The following TGFBR3 variants were observed in gnomAD, a reference collection of about 807,000 sequenced individuals.
The protein encoded by TGFBR3 is transforming growth factor beta receptor 3, also known as transforming growth factor beta receptor type 3.
TGFBR3 carries 46 observed loss-of-function variants against 87.9 expected under a neutral mutation model. That is an observed-to-expected ratio of 0.52 (90% CI 0.41 to 0.67). The LOEUF is 0.67. TGFBR3 is among the 30% of genes least tolerant of loss of function. The probability of loss-of-function intolerance (pLI) is 0.00; values close to 1 mark genes in which losing one functional copy is unlikely to be tolerated. For synonymous variants in TGFBR3, 381 were observed against 391.6 expected (o/e 0.97, Z 0.32); for missense variants, 866 against 1,041.9 (o/e 0.83, Z 2.32).
intron 2 of TGFBR3, among the ~76,000 whole-genome samples, chr1:91,895,204 C>T (rs147784845): frequency 1.3e-4 from 20 of 152,114 alleles, no homozygotes; most frequent in Non-Finnish European, 1.9e-4. Flanking sequence ...ATCATGAAGG[C>T]GAATTTCTCA....
chr1:91,713,926 G>A (rs1672075881), intron 12 of TGFBR3, among the ~76,000 whole-genome samples: 1 of 151,972 alleles, frequency 6.6e-6, no homozygotes, highest in Non-Finnish European at 1.5e-5. Flanking sequence ...TCAAAAGAAA[G>A]TATGTAGCGG....
chr1:91,894,202 C>T (rs996753982), intron 2 of TGFBR3, among the ~76,000 whole-genome samples: 2 of 152,160 alleles, frequency 1.3e-5, no homozygotes, highest in African/African-American at 2.4e-5. Context: ...TCTCGTTACC[C>T]TGGATGAACT....
At chr1:91,838,726 C>A (rs1677159868) in intron 2 of TGFBR3, among the ~76,000 whole-genome samples, 1 of 151,956 alleles carries the variant, frequency 6.6e-6, no homozygotes, top group Admixed American at 6.6e-5. Flanking sequence ...GCCTCTGCCT[C>A]CCAAAGTGCT....
In TGFBR3 at chr1:91,719,565, T is replaced by C. The variant is rs1206932299; in HGVS notation, c.1414-101A>G. 3.5e-6 allele frequency: 5 copies of C among 1,446,568 alleles called. No individual in the cohort carries two copies. In the East Asian group the frequency reaches 1.1e-4, roughly 33 times the overall value. The allele number at this position is 1,446,568 out of a possible 1,614,324, so 89.6% of individuals were successfully genotyped here. ...TGCCTGGTCTTCCAAGGACAGGCGATGAGAGGCCTGCATCGTGCCCCTTCC... is the reference window on the plus strand; with the variant it reads ...TGCCTGGTCTTCCAAGGACAGGCGACGAGAGGCCTGCATCGTGCCCCTTCC... On this transcript the variant is annotated intron_variant, in intron 9 of 16. Transcript: ENST00000212355.
intron 2 of TGFBR3, among the ~76,000 whole-genome samples, chr1:91,819,369 G>GA (rs34256694): frequency 0.28 from 40,490 of 146,674 alleles, 5,985 homozygotes; most frequent in Middle Eastern, 0.37. Flanking sequence ...CTCCGTCTGG[G>GA]AAAAAAAAAA....
intron 3 of TGFBR3, among the ~76,000 whole-genome samples, chr1:91,781,042 GC>G (rs1674751155): frequency 6.6e-6 from 1 of 152,122 alleles, no homozygotes; most frequent in African/African-American, 2.4e-5. Context: ...AAGGAGGAAT[GC>G]CTTGCTGCCA....
intron 2 of TGFBR3, among the ~76,000 whole-genome samples, chr1:91,836,434 GT>G (rs11301510): frequency 0.74 from 112,193 of 151,510 alleles, 42,341 homozygotes; most frequent in East Asian, 0.96. Context: ...GGAGTACACT[GT>G]AAAATGTAGC....
At chr1:91,751,647 T>C (rs561497335) in intron 4 of TGFBR3, among the ~76,000 whole-genome samples, 1 of 152,186 alleles carries the variant, frequency 6.6e-6, no homozygotes, top group East Asian at 1.9e-4. Flanking sequence ...GCCTCTAGTT[T>C]AAGTAAAAGG....
At chr1:91,718,155 C>A (rs1004136062) in intron 10 of TGFBR3, among the ~76,000 whole-genome samples, 1 of 152,132 alleles carries the variant, frequency 6.6e-6, no homozygotes, top group African/African-American at 2.4e-5. Flanking sequence ...TGGATTCAGT[C>A]GTCCTGGCTC....
At chr1:91,845,465 T>C (rs1677434690) in intron 2 of TGFBR3, among the ~76,000 whole-genome samples, 1 of 152,206 alleles carries the variant, frequency 6.6e-6, no homozygotes, top group Admixed American at 6.5e-5. Flanking sequence ...TACTTTGATC[T>C]TCAGCTGTCT....
chr1:91,851,215 C>T (rs1271110157), intron 2 of TGFBR3, among the ~76,000 whole-genome samples: 1 of 152,106 alleles, frequency 6.6e-6, no homozygotes, highest in Non-Finnish European at 1.5e-5. Flanking sequence ...GCACCTGCTG[C>T]CTACTCCTTG....
intron 12 of TGFBR3, 70 bp from the exon 13 acceptor site, chr1:91,712,612 A>G: frequency 6.8e-7 from 1 of 1,461,650 alleles, no homozygotes; most frequent in Middle Eastern, 2.2e-4. Flanking sequence ...CACAAGGACC[A>G]TATGCCAAGA....
intron 4 of TGFBR3, among the ~76,000 whole-genome samples, chr1:91,754,124 A>G (rs1571475485): frequency 1.3e-5 from 2 of 152,022 alleles, no homozygotes; most frequent in East Asian, 3.9e-4. Context: ...GCATCTTTTC[A>G]TGTGTTTTTT....
intron 3 of TGFBR3, among the ~76,000 whole-genome samples, chr1:91,776,447 G>T (rs765907284): frequency 1.1e-4 from 17 of 152,348 alleles, no homozygotes; most frequent in South Asian, 2.1e-4. Flanking sequence ...AGTGTGTTGT[G>T]AATTCAAGGT....
intron 3 of TGFBR3, chr1:91,770,757 T>C (rs1431752591): frequency 2.6e-5 from 4 of 152,198 alleles, no homozygotes; most frequent in African/African-American, 4.8e-5. Context: ...CACTTAGTGG[T>C]AGTGAGAAAT....
intron 2 of TGFBR3, among the ~76,000 whole-genome samples, chr1:91,829,395 C>CAAAA (rs71586715): frequency 1.4e-5 from 2 of 140,306 alleles, no homozygotes; most frequent in African/African-American, 2.6e-5. Flanking sequence ...AACAAACAAA[C>CAAAA]AAAAAAAAAA....
chr1:91,767,627 T>C (rs1571489702), intron 3 of TGFBR3, among the ~76,000 whole-genome samples: 1 of 132,076 alleles, frequency 7.6e-6, no homozygotes, highest in Non-Finnish European at 1.7e-5. Context: ...GGCTAGAAAA[T>C]GACAGTGCTG....
chr1:91,727,439 G>T (rs916892360), intron 7 of TGFBR3, among the ~76,000 whole-genome samples: 4 of 152,162 alleles, frequency 2.6e-5, no homozygotes, highest in African/African-American at 7.2e-5. Flanking sequence ...AGGTCACAGT[G>T]GGATTACCTG....
At chr1:91,691,348 A>C (rs1213471278) in intron 16 of TGFBR3, among the ~76,000 whole-genome samples, 1 of 152,214 alleles carries the variant, frequency 6.6e-6, no homozygotes, top group Non-Finnish European at 1.5e-5. Context: ...AACTCAAGAG[A>C]TATCATTGTA....
Sources: gnomAD v4.1 joint callset for allele counts (sites outside exome capture counted in the v4.1 genomes callset) on GRCh38, gnomAD v4.1.1 for gene constraint, MANE v1.5 for transcripts, NCBI Gene and HGNC (gene_info 2026-07-23, HGNC 2026-07-21) for gene names.